The following SQOR variants were observed in gnomAD, a reference collection of about 807,000 sequenced individuals.
SQOR encodes the protein sulfide quinone oxidoreductase.
A neutral mutation model predicts 48.6 loss-of-function variants in SQOR; 39 were observed. That is an observed-to-expected ratio of 0.80 (90% confidence interval 0.62 to 1.05). SQOR has a LOEUF of 1.05. Among genes scored for constraint, SQOR ranks in the 50% least tolerant of loss-of-function variants. SQOR has a pLI of 0.00. For missense variants in SQOR, 561 were observed against 559.9 expected (o/e 1.00, Z -0.02); for synonymous variants, 220 against 206.2 (o/e 1.07, Z -0.57).
At position 45,687,764 on chromosome 15, in the gene SQOR, T is replaced by C. The variant is rs575240492; in HGVS notation, c.1049-573T>C. On this transcript the variant is annotated intron_variant, in intron 7 of 9. Transcript: ENST00000260324. Reference sequence around the variant, plus strand: ...GTCGTTCTGTCTGTCTGTCTGTCTATCTAGGAAAGAGACAGAGAGATGGAA... The same window carrying C: ...GTCGTTCTGTCTGTCTGTCTGTCTACCTAGGAAAGAGACAGAGAGATGGAA... 3.9e-5 allele frequency among the ~76,000 whole-genome samples: 6 copies of C among 152,232 alleles called. No homozygotes were observed. The South Asian group carries it at 1.0e-3, about 26-fold the overall frequency.
intron 9 of SQOR, 162 bp downstream of exon 9, chr15:45,689,379 A>T: frequency 1.8e-6 from 1 of 568,214 alleles, no homozygotes; most frequent in Non-Finnish European, 2.9e-6. Flanking sequence ...ATAGTAAATC[A>T]CTTTCACATA....
At chr15:45,663,906 A>G (rs551451289) in intron 3 of SQOR, among the ~76,000 whole-genome samples, 48 of 152,360 alleles carry the variant, frequency 3.2e-4, no homozygotes, top group African/African-American at 1.1e-3. Flanking sequence ...AGTTTTAGGC[A>G]TTAAGGATAT....
intron 1 of SQOR, among the ~76,000 whole-genome samples, chr15:45,645,683 G>A (rs1895191913): frequency 6.6e-6 from 1 of 152,200 alleles, no homozygotes; most frequent in Non-Finnish European, 1.5e-5. Context: ...CCTTGAGACT[G>A]AAACTGTACC....
intron 1 of SQOR, among the ~76,000 whole-genome samples, chr15:45,647,901 G>A (rs1889374877): frequency 6.6e-6 from 1 of 152,094 alleles, no homozygotes; most frequent in South Asian, 2.1e-4. Context: ...TGGGCGACAA[G>A]TGACAGAGCA....
chr15:45,661,918 C>A, intron 2 of SQOR, 37 bp from the exon 3 acceptor site: 1 of 1,596,312 alleles, frequency 6.3e-7, no homozygotes, highest in South Asian at 1.1e-5. Context: ...TGATCAGTGT[C>A]AAATTGCAAT....
intron 1 of SQOR, among the ~76,000 whole-genome samples, chr15:45,652,776 A>T (rs112353315): frequency 6.7e-6 from 1 of 149,888 alleles, no homozygotes; most frequent in African/African-American, 2.5e-5. Context: ...GTTCAAGACC[A>T]GTCTGGCCAA....
intron 1 of SQOR, 83 bp from the exon 2 acceptor site, chr15:45,658,824 C>T (rs2140947450): frequency 3.5e-6 from 4 of 1,127,998 alleles, no homozygotes; most frequent in East Asian, 2.8e-5. Flanking sequence ...AGATGCCGGC[C>T]TCCCTTCCTC....
chr15:45,659,612 G>A (rs1328052352), intron 2 of SQOR, among the ~76,000 whole-genome samples: 2 of 152,120 alleles, frequency 1.3e-5, no homozygotes, highest in African/African-American at 2.4e-5. Context: ...TCTCTGGCTT[G>A]TAGCTGTGCC....
At position 45,676,150 on chromosome 15, in the gene SQOR, C is replaced by G; in HGVS notation, c.704C>G (p.Ala235Gly). The change falls in exon 6 of 10, where the codon GCC (alanine) becomes GGC (glycine). Residue 235 changes from alanine (A) to glycine (G), a missense_variant. Coordinates refer to ENST00000260324, the MANE Select transcript of SQOR (RefSeq NM_021199.4). The stretch of plus-strand genomic sequence containing the variant: ...ATCATTTTCAACACTTCTCTTGGAG[C>G]CATTTTCGGGGTTAAGAAGTATGCA... ...ANIIFNTSLG[A>G]IFGVKKYADA... is the part of the protein sequence containing the mutation. 6.2e-7 allele frequency: 1 copy of G among 1,614,140 alleles called. No homozygotes were observed. Among genetic ancestry groups the G allele is most frequent in the South Asian group, 1.1e-5 (1 of 91,082 alleles).
In SQOR at chr15:45,690,893, C is replaced by T. The variant is rs751377516; in HGVS notation, c.1296-80C>T. On this transcript the variant is annotated intron_variant, in intron 9 of 9. Transcript: ENST00000260324. ...TGAACATGCTCTGTGAGCAGCCTGG[C>T]TTCCCTTTCAGCATCCTCCTGACTG... 752 of 1,244,928 alleles carry T rather than the reference C, an allele frequency of 6.0e-4. 1 individual carries two copies. Among genetic ancestry groups the T allele is most frequent in the Non-Finnish European group, 8.0e-4 (673 of 843,472 alleles). 77.1% of individuals were successfully genotyped at this position (1,244,928 alleles called of 1,614,324 possible).
chr15:45,685,877 C>T (rs1415932310), intron 7 of SQOR, among the ~76,000 whole-genome samples: 5 of 152,106 alleles, frequency 3.3e-5, no homozygotes, highest in Admixed American at 6.5e-5. Context: ...CTCGCTCTGT[C>T]GCCCAGGGTG....
At chr15:45,659,219 T>A in intron 2 of SQOR, 62 bp downstream of exon 2, 2 of 1,318,710 alleles carry the variant, frequency 1.5e-6, no homozygotes, top group Non-Finnish European at 2.0e-6. Flanking sequence ...TGAGTGTGTG[T>A]GTGTGTGTGT....
intron 3 of SQOR, among the ~76,000 whole-genome samples, chr15:45,664,442 C>G (rs944841519): frequency 6.6e-6 from 1 of 152,086 alleles, no homozygotes; most frequent in African/African-American, 2.4e-5. Context: ...TGTGTCCCCC[C>G]CATCCTCATG....
chr15:45,675,489 G>A (rs796565045), intron 5 of SQOR, among the ~76,000 whole-genome samples: 4 of 152,100 alleles, frequency 2.6e-5, no homozygotes, highest in African/African-American at 9.6e-5. Context: ...CCGCTTCCTG[G>A]GTTCAAGCCA....
intron 3 of SQOR, among the ~76,000 whole-genome samples, chr15:45,665,865 T>C (rs552943142): frequency 3.3e-5 from 5 of 152,328 alleles, no homozygotes; most frequent in African/African-American, 1.2e-4. Context: ...ATTACAGGTG[T>C]GAGCCACCGT....
At chr15:45,647,425 C>T (rs1334596870) in intron 1 of SQOR, among the ~76,000 whole-genome samples, 13 of 149,432 alleles carry the variant, frequency 8.7e-5, no homozygotes, top group African/African-American at 3.2e-4. Flanking sequence ...TTCCTGGGTT[C>T]AAGTGATTCT....
rs1396668863 is a variant in SQOR, at chr15:45,635,060, AG to A, written c.-64del. The A allele has an allele frequency of 1.3e-5, 2 of 152,204 alleles. No individual in the cohort carries two copies. Among genetic ancestry groups the A allele is most frequent in the Non-Finnish European group, 2.9e-5 (2 of 68,056 alleles). 9.4% of individuals were successfully genotyped at this position (152,204 alleles called of 1,614,324 possible). The stretch of plus-strand genomic sequence containing the variant: ...GGCCTTGAGACCCAGAAGGGAGCGA[AG>A]GTTTTTGCTGCGCCAACGCAGTGAC... On this transcript the variant is annotated 5_prime_UTR_variant, in exon 1 of 10. Transcript: ENST00000260324.
In SQOR at chr15:45,668,649, C is replaced by T. The variant is rs1324546862; in HGVS notation, c.406-1279C>T. ...ACGTTACTTCCCTTGGCTCCTCAGC[C>T]AGAGCCAAGCACTCTCAGGTCTTGG... is the stretch of plus-strand genomic sequence containing the variant. On this transcript the variant is annotated intron_variant, in intron 3 of 9. Coordinates refer to ENST00000260324, the MANE Select transcript of SQOR (RefSeq NM_021199.4). Among the ~76,000 whole-genome samples, 6 of 152,294 alleles carry T rather than the reference C, an allele frequency of 3.9e-5. No homozygotes were observed. In the East Asian group the frequency reaches 9.6e-4, roughly 24 times the overall value.
intron 6 of SQOR, among the ~76,000 whole-genome samples, chr15:45,678,038 A>G (rs926242745): frequency 1.3e-5 from 2 of 152,212 alleles, no homozygotes; most frequent in Non-Finnish European, 1.5e-5. Context: ...GGAACATTGC[A>G]TAAGCATTGT....
Sources: gnomAD v4.1 joint callset for allele counts (sites outside exome capture counted in the v4.1 genomes callset) on GRCh38, gnomAD v4.1.1 for gene constraint, MANE v1.5 for transcripts, NCBI Gene and HGNC (gene_info 2026-07-23, HGNC 2026-07-21) for gene names.